The following CREB5 variants were observed in gnomAD, a reference collection of about 807,000 sequenced individuals.
CREB5 encodes the protein cyclic AMP-responsive element-binding protein 5.
Under a neutral mutation model 57.1 loss-of-function variants are expected in CREB5, and 19 were observed. The observed-to-expected ratio is 0.33, with a 90% CI of 0.23 to 0.49. The LOEUF (loss-of-function observed/expected upper bound fraction) is 0.49, where lower values mean the gene tolerates loss of function less well. Ranked by LOEUF, CREB5 falls within the 20% of genes least tolerant of loss-of-function variation. CREB5 has a pLI of 0.99. For synonymous variants in CREB5, 238 were observed against 238.3 expected (o/e 1.00, Z 0.01); for missense variants, 579 against 671.6 (o/e 0.86, Z 1.52).
At chr7:28,721,544 G>C (rs908850616) in intron 6 of CREB5, among the ~76,000 whole-genome samples, 2 of 152,168 alleles carry the variant, frequency 1.3e-5, no homozygotes, top group Non-Finnish European at 2.9e-5. Context: ...GGGTATAAAA[G>C]AGAAGTCTGT....
intron 5 of CREB5, among the ~76,000 whole-genome samples, chr7:28,682,963 G>A (rs1583539154): frequency 6.6e-6 from 1 of 152,176 alleles, no homozygotes. Flanking sequence ...GAGTGTGTGA[G>A]TGAGTTACAC....
At chr7:28,319,958 T>C (rs1785463043) in intron 1 of CREB5, among the ~76,000 whole-genome samples, 1 of 152,128 alleles carries the variant, frequency 6.6e-6, no homozygotes, top group Non-Finnish European at 1.5e-5. Context: ...TGAGACAAGT[T>C]CTCGCTCTGT....
intron 7 of CREB5, among the ~76,000 whole-genome samples, chr7:28,735,361 G>A (rs1803912520): frequency 6.6e-6 from 1 of 152,166 alleles, no homozygotes; most frequent in Non-Finnish European, 1.5e-5. Flanking sequence ...AATCAGAGAT[G>A]TGTTTGTGTC....
At chr7:28,446,582 G>A (rs1020483769) in intron 1 of CREB5, among the ~76,000 whole-genome samples, 2 of 152,098 alleles carry the variant, frequency 1.3e-5, no homozygotes, top group Non-Finnish European at 2.9e-5. Context: ...CACGAAGTCA[G>A]GAGATCAAGG....
intron 5 of CREB5, among the ~76,000 whole-genome samples, chr7:28,695,730 G>A (rs1326273352): frequency 3.3e-5 from 5 of 152,122 alleles, no homozygotes; most frequent in Non-Finnish European, 7.4e-5. Flanking sequence ...TGTCTGATGA[G>A]GACAGAGCTT....
At chr7:28,681,984 A>C (rs1034569052) in intron 5 of CREB5, among the ~76,000 whole-genome samples, 2 of 152,216 alleles carry the variant, frequency 1.3e-5, no homozygotes, top group South Asian at 2.1e-4. Flanking sequence ...TGACCTCTTA[A>C]TATCCACCCC....
intron 8 of CREB5, 34 bp from the exon 9 acceptor site, chr7:28,809,153 A>G (rs1380285742): frequency 6.4e-7 from 1 of 1,574,500 alleles, no homozygotes; most frequent in South Asian, 1.2e-5. Flanking sequence ...GTCCTTCCCT[A>G]TCCCCATCAC....
intron 1 of CREB5, among the ~76,000 whole-genome samples, chr7:28,402,999 C>T (rs989367481): frequency 1.3e-5 from 2 of 152,176 alleles, no homozygotes; most frequent in African/African-American, 2.4e-5. Context: ...TTTTGAGTTA[C>T]ACCTGTTAGG....
At chr7:28,356,821 C>T (rs961880824) in intron 1 of CREB5, among the ~76,000 whole-genome samples, 1 of 152,138 alleles carries the variant, frequency 6.6e-6, no homozygotes, top group African/African-American at 2.4e-5. Flanking sequence ...TGGATGCTGC[C>T]ACATGGCACT....
At chr7:28,560,963 T>TGCGTGTGCGCGCGTGCGTGCGC (rs1194418363) in intron 4 of CREB5, among the ~76,000 whole-genome samples, 1 of 48,108 alleles carries the variant, frequency 2.1e-5, no homozygotes. Flanking sequence ...TGTGTGTGCG[T>TGCGTGTGCGCGCGTGCGTGCGC]GTGTGTGTGC....
chr7:28,382,007 C>G (rs1177384127), intron 1 of CREB5, among the ~76,000 whole-genome samples: 1 of 152,200 alleles, frequency 6.6e-6, no homozygotes, highest in Non-Finnish European at 1.5e-5. Flanking sequence ...ATGGCTCAGT[C>G]CAAGTCTGAA....
In CREB5 at chr7:28,700,339, C is replaced by T. The variant is rs188724859; in HGVS notation, c.465-18414C>T. Among the ~76,000 whole-genome samples, 6 of 152,248 alleles carry T rather than the reference C, an allele frequency of 3.9e-5. No homozygotes were observed. In the South Asian group the frequency reaches 6.2e-4, roughly 16 times the overall value. On this transcript the variant is annotated intron_variant, in intron 5 of 10. Transcript: ENST00000357727. ...TTCGAGGACCATCCCCTGGAACCCCCGGGGTATTAAATAACACTTTGAGGG... is the reference window on the plus strand; with the variant it reads ...TTCGAGGACCATCCCCTGGAACCCCTGGGGTATTAAATAACACTTTGAGGG...
chr7:28,381,119 T>G (rs1259208027), intron 1 of CREB5, among the ~76,000 whole-genome samples: 6 of 152,134 alleles, frequency 3.9e-5, no homozygotes. Flanking sequence ...CTCTTTACCC[T>G]CCCGAAACTC....
chr7:28,397,515 G>C (rs993729210), intron 1 of CREB5, among the ~76,000 whole-genome samples: 3 of 152,154 alleles, frequency 2.0e-5, no homozygotes, highest in African/African-American at 7.2e-5. Context: ...GACTCAAGCA[G>C]GCCACAGCTG....
intron 3 of CREB5, 141 bp from the exon 4 acceptor site, chr7:28,507,475 T>C: frequency 1.0e-6 from 1 of 979,534 alleles, no homozygotes; most frequent in South Asian, 2.3e-5. Flanking sequence ...TATCGTTATG[T>C]TATTTAAAGG....
At chr7:28,705,316 T>C (rs1212269595) in intron 5 of CREB5, among the ~76,000 whole-genome samples, 1 of 140,934 alleles carries the variant, frequency 7.1e-6, no homozygotes, top group Non-Finnish European at 1.5e-5. Context: ...TGAGCCGAGA[T>C]CACTCACCAC....
intron 1 of CREB5, among the ~76,000 whole-genome samples, chr7:28,461,498 G>C (rs1186716831): frequency 6.6e-6 from 1 of 152,094 alleles, no homozygotes; most frequent in Non-Finnish European, 1.5e-5. Flanking sequence ...CTGCATAAAA[G>C]CCTGTTGGTA....
At chr7:28,771,956 G>A (rs1806349357) in intron 7 of CREB5, among the ~76,000 whole-genome samples, 1 of 152,068 alleles carries the variant, frequency 6.6e-6, no homozygotes, top group Admixed American at 6.6e-5. Context: ...ATTTTCCCTT[G>A]GCAATAAATT....
intron 7 of CREB5, among the ~76,000 whole-genome samples, chr7:28,782,730 A>G (rs996803039): frequency 1.3e-5 from 2 of 152,348 alleles, no homozygotes; most frequent in South Asian, 2.1e-4. Context: ...CTTGGGGGAA[A>G]TTTTAGAAAT....
Sources: gnomAD v4.1 joint callset for allele counts (sites outside exome capture counted in the v4.1 genomes callset) on GRCh38, gnomAD v4.1.1 for gene constraint, MANE v1.5 for transcripts, NCBI Gene and HGNC (gene_info 2026-07-23, HGNC 2026-07-21) for gene names.